The following ABCB9 variants were observed in gnomAD, a reference collection of about 807,000 sequenced individuals.
ABCB9 encodes ATP binding cassette subfamily B member 9.
Under a neutral mutation model 62.0 loss-of-function variants are expected in ABCB9, and 36 were observed. The observed-to-expected ratio is 0.58, with a 90% CI of 0.45 to 0.77. The LOEUF (loss-of-function observed/expected upper bound fraction) is 0.77. Among genes scored for constraint, ABCB9 ranks in the 30% least tolerant of loss-of-function variants. The probability of loss-of-function intolerance (pLI) is 0.00; values close to 1 mark genes in which losing one functional copy is unlikely to be tolerated. For synonymous variants in ABCB9, 435 were observed against 461.4 expected, an observed-to-expected ratio of 0.94 and a Z score of 0.73; for missense variants, 943 against 1,054.7, an observed-to-expected ratio of 0.89 and a Z score of 1.47.
chr12:122,953,754 T>C (rs140402540), intron 2 of ABCB9, among the ~76,000 whole-genome samples: 2,556 of 152,148 alleles, frequency 0.017, 60 homozygotes, highest in African/African-American at 0.058. Context: ...ACTCTTGACC[T>C]CAAGTGATCT....
intron 1 of ABCB9, among the ~76,000 whole-genome samples, chr12:122,962,337 TA>T (rs1195983508): frequency 6.6e-6 from 1 of 152,120 alleles, no homozygotes; most frequent in Non-Finnish European, 1.5e-5. Context: ...TTTGTTGTCA[TA>T]TCTGCAAAAT....
In ABCB9 at chr12:122,932,919, C is replaced by T. The variant is rs2035266314; in HGVS notation, c.1904-591G>A. ...ATTATTATTATTTTAGAGACAGGGT[C>T]TCACTCTCTCACCCACGCTAGAGTG... is the stretch of plus-strand genomic sequence containing the variant. On this transcript the variant is annotated intron_variant, in intron 10 of 11. Transcript: ENST00000280560. The surrounding 1 kb of genome is among the most constrained non-coding windows in gnomAD (Gnocchi z 4.7). Among the ~76,000 whole-genome samples the T allele has an allele frequency of 6.6e-6, 1 of 152,208 alleles. No individual in the cohort carries two copies. Among genetic ancestry groups the T allele is most frequent in the Non-Finnish European group, 1.5e-5 (1 of 68,044 alleles).
At chr12:122,919,392 A>G (rs996231309), downstream of ABCB9, among the ~76,000 whole-genome samples, 2 of 151,906 alleles carry the variant, frequency 1.3e-5, no homozygotes, top group Non-Finnish European at 2.9e-5. Context: ...GGCTGTTCTC[A>G]AACTCCTGGC....
intron 1 of ABCB9, among the ~76,000 whole-genome samples, chr12:122,963,027 C>T (rs2036988578): frequency 6.6e-6 from 1 of 152,216 alleles, no homozygotes; most frequent in African/African-American, 2.4e-5. Context: ...GGCATGGTGG[C>T]TCACACCTGT....
At chr12:122,941,046 A>T in intron 7 of ABCB9, 51 bp from the exon 8 acceptor site, 2 of 1,510,350 alleles carry the variant, frequency 1.3e-6, no homozygotes, top group African/African-American at 1.4e-5. Flanking sequence ...GACTCCTGGG[A>T]CCCACCCCTG....
At position 122,944,495 on chromosome 12, in the gene ABCB9, T is replaced by A. The variant is rs754776977; in HGVS notation, c.1276A>T (p.Ser426Cys). 1 of 1,614,012 alleles carries A rather than the reference T, an allele frequency of 6.2e-7. No individual in the cohort carries two copies. Among genetic ancestry groups the A allele is most frequent in the Admixed American group, 1.7e-5 (1 of 60,026 alleles). ...AGGTGGCCCCCGTAGTAGAGGATGC[T>A]GACCTGGACCACCAGCAGTGTGAGC... ...SGLTLLVVQV[S>C]ILYYGGHLVI... Residue 426 changes from serine to cysteine, a missense_variant, in exon 7 of 12, where the codon AGC (serine) becomes TGC (cysteine). Ser to Cys is a moderately radical substitution (Grantham distance 112). Coordinates refer to ENST00000280560, the MANE Select transcript of ABCB9 (RefSeq NM_019625.4). This position sits in a 1 kb window ranked among gnomAD's most constrained non-coding sequence, Gnocchi z 4.9.
In ABCB9 at chr12:122,946,193, C is replaced by G; in HGVS notation, c.1083G>C (p.Leu361=). The G allele has an allele frequency of 6.2e-7, 1 of 1,614,164 alleles. No individual in the cohort carries two copies. The highest frequency in any genetic ancestry group is 8.5e-7 in the Non-Finnish European group (1 of 1,180,034). ...KRLSKEVQNA[L]ARASNTAEET... is the part of the protein sequence containing the mutation. ...CCTCCGCCGTGTTGCTCGCTCTGGCCAGGGCATTCTGGACCTCTTTGGAGA... is the reference window on the plus strand; with the variant it reads ...CCTCCGCCGTGTTGCTCGCTCTGGCGAGGGCATTCTGGACCTCTTTGGAGA... Residue 361 remains leucine (L), a synonymous_variant, in exon 6 of 12, where the codon CTG becomes CTC. Coordinates refer to ENST00000280560, the MANE Select transcript of ABCB9 (RefSeq NM_019625.4).
At chr12:122,922,265 TACATAGA>T (rs1593948899) in intron 11 of ABCB9, among the ~76,000 whole-genome samples, 1 of 152,328 alleles carries the variant, frequency 6.6e-6, no homozygotes, top group East Asian at 1.9e-4. Context: ...TTCAGAAATG[TACATAGA>T]ACAATATAAC....
At chr12:122,955,716 T>C (rs1157980514) in intron 2 of ABCB9, among the ~76,000 whole-genome samples, 1 of 132,024 alleles carries the variant, frequency 7.6e-6, no homozygotes, top group African/African-American at 3.5e-5. Flanking sequence ...TGTTTTTTTG[T>C]TTTTTTTTTT....
At chr12:122,936,042 C>A (rs1452360612) in intron 9 of ABCB9, among the ~76,000 whole-genome samples, 2 of 151,636 alleles carry the variant, frequency 1.3e-5, no homozygotes, top group African/African-American at 4.8e-5. Context: ...CCCATATCTA[C>A]AAAATGAAAA....
At chr12:122,939,981 T>G in intron 9 of ABCB9, 130 bp downstream of exon 9, 1 of 1,215,052 alleles carries the variant, frequency 8.2e-7, no homozygotes, top group Non-Finnish European at 1.1e-6. Context: ...AGGAGGGCAT[T>G]GTAATTGGTG....
At position 122,965,042 on chromosome 12, in the gene ABCB9, A is replaced by C. The variant is rs2037100910; in HGVS notation, c.-88+1245T>G. ...TAGATAAAAGTTATTATGACACTGC[A>C]ACAGAGACCCTTCACCGGGCCCTAC... is the stretch of plus-strand genomic sequence containing the variant. On this transcript the variant is annotated intron_variant, in intron 1 of 11. Coordinates refer to ENST00000280560, the MANE Select transcript of ABCB9 (RefSeq NM_019625.4). 1.3e-5 allele frequency among the ~76,000 whole-genome samples: 2 copies of C among 152,140 alleles called. 1 individual carries two copies. The highest frequency in any genetic ancestry group is 4.1e-4 in the South Asian group (2 of 4,828).
At chr12:122,974,175 C>T (rs1477545282) in intron 1 of ABCB9, among the ~76,000 whole-genome samples, 1 of 152,200 alleles carries the variant, frequency 6.6e-6, no homozygotes, top group Non-Finnish European at 1.5e-5. Context: ...GGGAGCCGAC[C>T]TGCCCTGGGC....
chr12:122,944,310 G>GCCCC lies in ABCB9; in HGVS notation c.1380+77_1380+80dup. The stretch of plus-strand genomic sequence containing the variant: ...ATACCACATTGTCAGAGTCCCTGGA[G>GCCCC]CCCCGCCCCCACCCTGTTAAGATCC... On this transcript the variant is annotated intron_variant, in intron 7 of 11. Transcript: ENST00000280560. This position sits in a 1 kb window ranked among gnomAD's most constrained non-coding sequence, Gnocchi z 4.9. 6.6e-7 allele frequency: 1 copy of GCCCC among 1,513,422 alleles called. No homozygotes were observed. The highest frequency in any genetic ancestry group is 8.9e-7 in the Non-Finnish European group (1 of 1,119,076). 93.7% of individuals were successfully genotyped at this position (1,513,422 alleles called of 1,614,324 possible). A position where few individuals can be genotyped will look rare whatever the true frequency, so the allele number is the denominator to read the frequency against.
At chr12:122,963,480 T>A (rs2037019100) in intron 1 of ABCB9, among the ~76,000 whole-genome samples, 1 of 152,042 alleles carries the variant, frequency 6.6e-6, no homozygotes, top group Non-Finnish European at 1.5e-5. Flanking sequence ...CCTATCATTA[T>A]CCCCATTTTA....
chr12:122,926,482 G>A (rs187139930), downstream of ABCB9, among the ~76,000 whole-genome samples: 13 of 152,306 alleles, frequency 8.5e-5, no homozygotes, highest in African/African-American at 3.1e-4. Flanking sequence ...GGGAGGCAGA[G>A]GTTGCAGCGA....
chr12:122,935,083 C>G (rs1026686368), intron 10 of ABCB9, among the ~76,000 whole-genome samples, 189 bp downstream of exon 10: 12 of 152,164 alleles, frequency 7.9e-5, no homozygotes, highest in African/African-American at 2.4e-4. Context: ...TGCCTGTAAT[C>G]CCAGCACTTT....
chr12:122,950,512 G>C lies in ABCB9; in HGVS notation c.655C>G (p.Gln219Glu). 2 of 1,613,372 alleles carry C rather than the reference G, an allele frequency of 1.2e-6. No individual in the cohort carries two copies. Among genetic ancestry groups the C allele is most frequent in the Non-Finnish European group, 1.7e-6 (2 of 1,179,992 alleles). The change falls in exon 3 of 12, where the codon CAG becomes GAG. Residue 219 changes from glutamine (Q) to glutamate (E), a missense_variant. Coordinates refer to ENST00000280560, the MANE Select transcript of ABCB9 (RefSeq NM_019625.4). ...TGRAIDGIVI[Q>E]KSMDQFSTAV... ...GTGCTGAACTGATCCATGCTTTTCT[G>C]GATGACGATGCCATCAATGGCGCGG...
At position 122,960,067 on chromosome 12, in the gene ABCB9, G is replaced by T. The variant is rs754857190; in HGVS notation, c.169C>A (p.Arg57Ser). The change falls in exon 2 of 12, where the codon CGC becomes AGC. Residue 57 changes from arginine to serine, a missense_variant. Physicochemically the swap from Arg to Ser is moderately radical, Grantham distance 110. Coordinates refer to ENST00000280560, the MANE Select transcript of ABCB9 (RefSeq NM_019625.4). ...VLDLWAACLY[R>S]SCLLLGATIG... is the part of the protein sequence containing the mutation. ...GTGGCTCCCAGCAGCAGGCAGCTGC[G>T]GTACAGGCAGGCTGCCCAGAGATCC... 2.2e-5 allele frequency: 36 copies of T among 1,613,324 alleles called. No homozygotes were observed. The highest frequency in any genetic ancestry group is 3.1e-5 in the Non-Finnish European group (36 of 1,180,056).
Sources: allele counts gnomAD v4.1 joint callset (sites outside exome capture counted in the v4.1 genomes callset), GRCh38; gene constraint gnomAD v4.1.1; non-coding constraint Gnocchi (gnomAD v3.1); transcripts MANE v1.5; gene names NCBI Gene and HGNC (gene_info 2026-07-23, HGNC 2026-07-21).